The following FAM181B variants were observed in gnomAD, a reference collection of about 807,000 sequenced individuals.
The protein encoded by FAM181B is protein FAM181B.
Under a neutral mutation model 17.8 loss-of-function variants are expected in FAM181B, and 13 were observed. That is an observed-to-expected ratio of 0.73 (90% confidence interval 0.48 to 1.16). FAM181B has a LOEUF of 1.16. FAM181B is among the 50% of genes most tolerant of loss of function. The probability of loss-of-function intolerance (pLI) is 0.00; values close to 1 mark genes in which losing one functional copy is unlikely to be tolerated. For missense variants in FAM181B, 725 were observed against 634.1 expected (o/e 1.14, Z -1.54); for synonymous variants, 338 against 316.5 (o/e 1.07, Z -0.72).
Position 82,730,743 on chromosome 11 carries a change from A to T in FAM181B, c.*1706T>A, listed in dbSNP as rs1256984581. The stretch of plus-strand genomic sequence containing the variant: ...AAAGTTGCATCTACCATTGGTTAAT[A>T]CTCATTTTTTCCAGAAATTCTTTTA... On this transcript the variant is annotated 3_prime_UTR_variant, in exon 1 of 1. Transcript: ENST00000329203. The T allele has an allele frequency of 6.6e-6, 1 of 152,206 alleles. No homozygotes were observed. The highest frequency in any genetic ancestry group is 1.5e-5 in the Non-Finnish European group (1 of 68,036). 9.4% of individuals were successfully genotyped at this position (152,206 alleles called of 1,614,324 possible). A position where few individuals can be genotyped will look rare whatever the true frequency, so the allele number is the denominator to read the frequency against.
At position 82,733,761 on chromosome 11, in the gene FAM181B, C is replaced by G. The variant is rs1857174513; in HGVS notation, c.-32G>C. The G allele has an allele frequency of 9.2e-6, 12 of 1,304,040 alleles. No homozygotes were observed. The highest frequency in any genetic ancestry group is 1.2e-5 in the Non-Finnish European group (12 of 1,026,806). The allele number at this position is 1,304,040 out of a possible 1,614,324, so 80.8% of individuals were successfully genotyped here. On this transcript the variant is annotated 5_prime_UTR_variant, in exon 1 of 1. Coordinates refer to ENST00000329203, the MANE Select transcript of FAM181B (RefSeq NM_175885.4). The stretch of plus-strand genomic sequence containing the variant: ...GGCTCCCGGGCTGTCCGCAGCGCTG[C>G]CCGTGCGCCCCCGCCAGCTCCTGCC...
rs1857149349 is a variant in FAM181B, at chr11:82,732,723, G to A, written c.1007C>T (p.Pro336Leu). 8.9e-6 allele frequency: 13 copies of A among 1,457,896 alleles called. 1 individual carries two copies. In the Middle Eastern group the frequency reaches 5.5e-4, roughly 62 times the overall value. 90.3% of individuals were successfully genotyped at this position (1,457,896 alleles called of 1,614,324 possible). A position where few individuals can be genotyped will look rare whatever the true frequency, so the allele number is the denominator to read the frequency against. ...CAAGCCGCCGCGGGGGGCAGTCAGG[G>A]GGCTCTTTTTGGTCGGGGAGCAGCC... ...VPGCSPTKKSPLTAPRGGLTL... is the reference protein window; with the variant it reads ...VPGCSPTKKSLLTAPRGGLTL... The change falls in exon 1 of 1, where the codon CCC (proline) becomes CTC (leucine). Residue 336 changes from proline (P) to leucine (L), a missense_variant. Physicochemically the swap from Pro to Leu is moderately conservative, Grantham distance 98. Coordinates refer to ENST00000329203, the MANE Select transcript of FAM181B (RefSeq NM_175885.4).
rs989626818 is a variant in FAM181B, at chr11:82,733,233, G to T, written c.497C>A (p.Ala166Asp). ...GTGGCGCAGCGAGTCGAAGAGCGCG[G>T]CCAGACTTCGGCTTTGCAAGCTGGC... is the stretch of plus-strand genomic sequence containing the variant. ...AAASLQSRSL[A>D]ALFDSLRHVP... Residue 166 changes from alanine to aspartate, a missense_variant, in exon 1 of 1, where the codon GCC becomes GAC. Coordinates refer to ENST00000329203, the MANE Select transcript of FAM181B (RefSeq NM_175885.4). 6.3e-6 allele frequency: 8 copies of T among 1,275,186 alleles called. No individual in the cohort carries two copies. Among genetic ancestry groups the T allele is most frequent in the African/African-American group, 1.6e-5 (1 of 64,270 alleles). 79.0% of individuals were successfully genotyped at this position (1,275,186 alleles called of 1,614,324 possible).
Position 82,733,271 on chromosome 11 carries a change from C to G in FAM181B, c.459G>C (p.Gln153His). Residue 153 changes from glutamine to histidine, a missense_variant, in exon 1 of 1, where the codon CAG (glutamine) becomes CAC (histidine). By Grantham distance (24) the Gln-to-His change is conservative (BLOSUM62 0). Coordinates refer to ENST00000329203, the MANE Select transcript of FAM181B (RefSeq NM_175885.4). ...GKAAPRREASQAAAAASLQSR... is the reference protein window; with the variant it reads ...GKAAPRREASHAAAAASLQSR... ...TTTGCAAGCTGGCGGCCGCGGCGGCCTGCGACGCCTCCCGCCGGGGGGCAG... is the reference window on the plus strand; with the variant it reads ...TTTGCAAGCTGGCGGCCGCGGCGGCGTGCGACGCCTCCCGCCGGGGGGCAG... 1.6e-6 allele frequency: 2 copies of G among 1,225,438 alleles called. No individual in the cohort carries two copies. Among genetic ancestry groups the G allele is most frequent in the South Asian group, 7.8e-5 (2 of 25,534 alleles). 75.9% of individuals were successfully genotyped at this position (1,225,438 alleles called of 1,614,324 possible).
chr11:82,733,399 C>T lies in FAM181B; in HGVS notation c.331G>A (p.Ala111Thr). ...CTCGGGGAGGGCGGGCCGGGGGGCG[C>T]GGCGCCCATGAGGCCGCTGCAGCGC... Reference protein sequence around the residue: ...IKRCSGLMGAAPPGPPSPSAA... With the variant: ...IKRCSGLMGATPPGPPSPSAA... Residue 111 changes from alanine to threonine, a missense_variant, in exon 1 of 1, where the codon GCG becomes ACG. Coordinates refer to ENST00000329203, the MANE Select transcript of FAM181B (RefSeq NM_175885.4). The T allele has an allele frequency of 1.3e-6, 2 of 1,483,400 alleles. No homozygotes were observed. The highest frequency in any genetic ancestry group is 9.0e-7 in the Non-Finnish European group (1 of 1,115,326). 91.9% of individuals were successfully genotyped at this position (1,483,400 alleles called of 1,614,324 possible).
rs1001354794 is a variant in FAM181B, at chr11:82,731,599, T to C, written c.*850A>G. The C allele has an allele frequency of 6.6e-6, 1 of 152,142 alleles. No individual in the cohort carries two copies. Among genetic ancestry groups the C allele is most frequent in the Non-Finnish European group, 1.5e-5 (1 of 68,038 alleles). The allele number at this position is 152,142 out of a possible 1,614,324, so 9.4% of individuals were successfully genotyped here. On this transcript the variant is annotated 3_prime_UTR_variant, in exon 1 of 1. Transcript: ENST00000329203. ...CACCCTCTCAGATCACGAAAATTGATACAAAGAGGTTACAGTTTGCCCACC... is the reference window on the plus strand; with the variant it reads ...CACCCTCTCAGATCACGAAAATTGACACAAAGAGGTTACAGTTTGCCCACC...
rs777948254 is a variant in FAM181B at position 82,733,598 on chromosome 11, C to A, written c.132G>T (p.Gly44=). ...CCGACAGCAGCGCACCCGCCGGAGCCCCGGTCTCATCGTCCTCGAAACAGC... is the reference window on the plus strand; with the variant it reads ...CCGACAGCAGCGCACCCGCCGGAGCACCGGTCTCATCGTCCTCGAAACAGC... The part of the protein sequence containing the change: ...KGCCFEDDET[G]APAGALLSGA... The change falls in exon 1 of 1, where the codon GGG becomes GGT. Residue 44 remains glycine, a synonymous_variant. Coordinates refer to ENST00000329203, the MANE Select transcript of FAM181B (RefSeq NM_175885.4). 2.5e-6 allele frequency: 4 copies of A among 1,602,970 alleles called. No individual in the cohort carries two copies. In the South Asian group the frequency reaches 4.4e-5, roughly 18 times the overall value.
rs1857147906 is a variant in FAM181B, at chr11:82,732,672, A to G, written c.1058T>C (p.Leu353Pro). The G allele has an allele frequency of 2.7e-6, 4 of 1,471,190 alleles. 1 individual carries two copies. The highest frequency in any genetic ancestry group is 2.9e-5 in the South Asian group (2 of 70,130). The allele number at this position is 1,471,190 out of a possible 1,614,324, so 91.1% of individuals were successfully genotyped here. ...GGGAGAATCCGCAGCGGCGGGGTACAGGGGGCTCAAGGGCTCGTTCAAGGT... is the reference window on the plus strand; with the variant it reads ...GGGAGAATCCGCAGCGGCGGGGTACGGGGGGCTCAAGGGCTCGTTCAAGGT... ...GLTLNEPLSP[L>P]YPAAADSPGG... is the part of the protein sequence containing the mutation. The change falls in exon 1 of 1, where the codon CTG (leucine) becomes CCG (proline). Residue 353 changes from leucine to proline, a missense_variant. Physicochemically the swap from Leu to Pro is moderately conservative, Grantham distance 98. Transcript: ENST00000329203.
In FAM181B at chr11:82,730,529, GTTA is replaced by G. The variant is rs1449776331; in HGVS notation, c.*1917_*1919del. 6.6e-6 allele frequency: 1 copy of G among 152,114 alleles called. No individual in the cohort carries two copies. The highest frequency in any genetic ancestry group is 6.5e-5 in the Admixed American group (1 of 15,270). 9.4% of individuals were successfully genotyped at this position (152,114 alleles called of 1,614,324 possible). A position where few individuals can be genotyped will look rare whatever the true frequency, so the allele number is the denominator to read the frequency against. ...CACAACAGTTTAGACAAATTAAATCGTTATTAAGTAATATTCTGTTAGCACAAT... is the reference window on the plus strand; with the variant it reads ...CACAACAGTTTAGACAAATTAAATCGTTAAGTAATATTCTGTTAGCACAAT... On this transcript the variant is annotated 3_prime_UTR_variant, in exon 1 of 1. Coordinates refer to ENST00000329203, the MANE Select transcript of FAM181B (RefSeq NM_175885.4).
In FAM181B at chr11:82,733,848, G is replaced by T; in HGVS notation, c.-119C>A. On this transcript the variant is annotated 5_prime_UTR_variant, in exon 1 of 1. Coordinates refer to ENST00000329203, the MANE Select transcript of FAM181B (RefSeq NM_175885.4). ...GCGCGGCGCAGCCTACTAGTTCCGG[G>T]CCTGGCTCGCTGCGCTGCCTCCCGG... 1 of 820,244 alleles carries T rather than the reference G, an allele frequency of 1.2e-6. No individual in the cohort carries two copies. Among genetic ancestry groups the T allele is most frequent in the Non-Finnish European group, 1.6e-6 (1 of 634,372 alleles). 50.8% of individuals were successfully genotyped at this position (820,244 alleles called of 1,614,324 possible).
chr11:82,732,698 C>G lies in FAM181B; in HGVS notation c.1032G>C (p.Leu344Phe). ...GGGGGCTCAAGGGCTCGTTCAAGGT[C>G]AAGCCGCCGCGGGGGGCAGTCAGGG... ...KSPLTAPRGG[L>F]TLNEPLSPLY... The change falls in exon 1 of 1, where the codon TTG (leucine) becomes TTC (phenylalanine). Residue 344 changes from leucine to phenylalanine, a missense_variant. Physicochemically the swap from Leu to Phe is conservative, Grantham distance 22 (BLOSUM62 0). Coordinates refer to ENST00000329203, the MANE Select transcript of FAM181B (RefSeq NM_175885.4). 6.9e-7 allele frequency: 1 copy of G among 1,459,134 alleles called. No homozygotes were observed. The highest frequency in any genetic ancestry group is 9.1e-7 in the Non-Finnish European group (1 of 1,104,780). 90.4% of individuals were successfully genotyped at this position (1,459,134 alleles called of 1,614,324 possible). A position where few individuals can be genotyped will look rare whatever the true frequency, so the allele number is the denominator to read the frequency against.
chr11:82,733,718 C>G lies in FAM181B; in HGVS notation c.12G>C (p.Gln4His), dbSNP rs1857173619. 1 of 1,425,270 alleles carries G rather than the reference C, an allele frequency of 7.0e-7. No individual in the cohort carries two copies. Among genetic ancestry groups the G allele is most frequent in the Non-Finnish European group, 9.2e-7 (1 of 1,089,882 alleles). The allele number at this position is 1,425,270 out of a possible 1,614,324, so 88.3% of individuals were successfully genotyped here. A position where few individuals can be genotyped will look rare whatever the true frequency, so the allele number is the denominator to read the frequency against. The change falls in exon 1 of 1, where the codon CAG (glutamine) becomes CAC (histidine). Residue 4 changes from glutamine (Q) to histidine (H), a missense_variant. Physicochemically the swap from Gln to His is conservative, Grantham distance 24 (BLOSUM62 0). Coordinates refer to ENST00000329203, the MANE Select transcript of FAM181B (RefSeq NM_175885.4). ...AAGGGTGCGTGCTGAGGAGCGCCGC[C>G]TGCACCGCCATCGCCGCGGCTCCCG... MAVQAALLSTHPFV... is the reference protein window; with the variant it reads MAVHAALLSTHPFV...
At position 82,733,074 on chromosome 11, in the gene FAM181B, T is replaced by G; in HGVS notation, c.656A>C (p.Lys219Thr). 6.6e-7 allele frequency: 1 copy of G among 1,514,760 alleles called. No homozygotes were observed. Among genetic ancestry groups the G allele is most frequent in the Non-Finnish European group, 8.8e-7 (1 of 1,142,522 alleles). 93.8% of individuals were successfully genotyped at this position (1,514,760 alleles called of 1,614,324 possible). ...AGATAIPGAR[K>T]VPLRARNLPP... ...CAGATTGCGTGCCCGCAGCGGGACC[T>G]TCCTGGCCCCTGGGATCGCCGTGGC... The change falls in exon 1 of 1, where the codon AAG (lysine) becomes ACG (threonine). Residue 219 changes from lysine (K) to threonine (T), a missense_variant. Transcript: ENST00000329203.
At position 82,732,341 on chromosome 11, in the gene FAM181B, G is replaced by T; in HGVS notation, c.*108C>A. On this transcript the variant is annotated 3_prime_UTR_variant, in exon 1 of 1. Coordinates refer to ENST00000329203, the MANE Select transcript of FAM181B (RefSeq NM_175885.4). ...TATTAATTGAATTTTTAAAAATCTG[G>T]TTTCATCTCCACGTGCATTTTCCCA... 1.9e-6 allele frequency: 2 copies of T among 1,077,748 alleles called. No individual in the cohort carries two copies. The highest frequency in any genetic ancestry group is 2.6e-6 in the Non-Finnish European group (2 of 763,442). 66.8% of individuals were successfully genotyped at this position (1,077,748 alleles called of 1,614,324 possible). A position where few individuals can be genotyped will look rare whatever the true frequency, so the allele number is the denominator to read the frequency against.
At position 82,733,641 on chromosome 11, in the gene FAM181B, C is replaced by A. The variant is rs1162569319; in HGVS notation, c.89G>T (p.Gly30Val). The change falls in exon 1 of 1, where the codon GGA becomes GTA. Residue 30 changes from glycine to valine, a missense_variant. Physicochemically the swap from Gly to Val is moderately radical, Grantham distance 109. Coordinates refer to ENST00000329203, the MANE Select transcript of FAM181B (RefSeq NM_175885.4). ...GSPDGLGGAF[G>V]ALDKGCCFED... The stretch of plus-strand genomic sequence containing the variant: ...GAAACAGCAGCCCTTGTCCAGGGCT[C>A]CGAAGGCGCCCCCTAGCCCGTCCGG... 1 of 1,593,444 alleles carries A rather than the reference C, an allele frequency of 6.3e-7. No individual in the cohort carries two copies. Among genetic ancestry groups the A allele is most frequent in the Non-Finnish European group, 8.5e-7 (1 of 1,174,886 alleles).
Position 82,732,965 on chromosome 11 carries a change from C to T in FAM181B, c.765G>A (p.Leu255=). The stretch of plus-strand genomic sequence containing the variant: ...ACTCCACGGCCTCCGCGCCCTTCTC[C>T]AGGTCGCCCAAGCTCACGTCCGGCC... ...PSGPDVSLGD[L]EKGAEAVEFF... is the part of the protein sequence containing the mutation. The change falls in exon 1 of 1, where the codon CTG becomes CTA. Residue 255 remains leucine (L), a synonymous_variant. Transcript: ENST00000329203. 6.4e-7 allele frequency: 1 copy of T among 1,574,626 alleles called. No homozygotes were observed. The highest frequency in any genetic ancestry group is 8.6e-7 in the Non-Finnish European group (1 of 1,168,266).
In FAM181B at chr11:82,730,550, A is replaced by C. The variant is rs1379761288; in HGVS notation, c.*1899T>G. 6.6e-6 allele frequency: 1 copy of C among 152,250 alleles called. No homozygotes were observed. Among genetic ancestry groups the C allele is most frequent in the Non-Finnish European group, 1.5e-5 (1 of 68,042 alleles). 9.4% of individuals were successfully genotyped at this position (152,250 alleles called of 1,614,324 possible). On this transcript the variant is annotated 3_prime_UTR_variant, in exon 1 of 1. Coordinates refer to ENST00000329203, the MANE Select transcript of FAM181B (RefSeq NM_175885.4). ...AATCGTTATTAAGTAATATTCTGTT[A>C]GCACAATGGAATTAATCACCTTTAA...
At position 82,733,163 on chromosome 11, in the gene FAM181B, C is replaced by G. The variant is rs986543804; in HGVS notation, c.567G>C (p.Pro189=). The G allele has an allele frequency of 2.1e-5, 30 of 1,398,864 alleles. No individual in the cohort carries two copies. Among genetic ancestry groups the G allele is most frequent in the Non-Finnish European group, 2.8e-5 (30 of 1,084,778 alleles). The allele number at this position is 1,398,864 out of a possible 1,614,324, so 86.7% of individuals were successfully genotyped here. A position where few individuals can be genotyped will look rare whatever the true frequency, so the allele number is the denominator to read the frequency against. Residue 189 remains proline (P), a synonymous_variant, in exon 1 of 1, where the codon CCG becomes CCC. Transcript: ENST00000329203. ...TGCCCGCACCTCCTAGCCCGGCCGCCGGCGCAGCCACCTCACCCCCCGCCG... is the reference window on the plus strand; with the variant it reads ...TGCCCGCACCTCCTAGCCCGGCCGCGGGCGCAGCCACCTCACCCCCCGCCG... ...AEPAGGEVAA[P]AAGLGGAGTG...
At position 82,732,937 on chromosome 11, in the gene FAM181B, A is replaced by G; in HGVS notation, c.793T>C (p.Phe265Leu). Residue 265 changes from phenylalanine (F) to leucine (L), a missense_variant, in exon 1 of 1, where the codon TTT becomes CTT. By Grantham distance (22) the Phe-to-Leu change is conservative. Coordinates refer to ENST00000329203, the MANE Select transcript of FAM181B (RefSeq NM_175885.4). ...CCGTAGTCGGGCCCCAGCAGCTCAA[A>G]GAACTCCACGGCCTCCGCGCCCTTC... ...LEKGAEAVEF[F>L]ELLGPDYGAG... The G allele has an allele frequency of 6.3e-7, 1 of 1,577,122 alleles. No individual in the cohort carries two copies. The highest frequency in any genetic ancestry group is 8.6e-7 in the Non-Finnish European group (1 of 1,167,698).
Sources: allele counts gnomAD v4.1 joint callset, GRCh38; gene constraint gnomAD v4.1.1; transcripts MANE v1.5; gene names NCBI Gene and HGNC (gene_info 2026-07-23, HGNC 2026-07-21).